Variants in ROBO1 observed in about 807,000 individuals in gnomAD.
ROBO1 encodes roundabout homolog 1.
Under a neutral mutation model 195.9 loss-of-function variants are expected in ROBO1, and 149 were observed. The ratio of observed to expected loss-of-function variants is 0.76; its 90% CI spans 0.67 to 0.87. ROBO1 has a LOEUF of 0.87. Ranked by LOEUF, ROBO1 falls within the 40% of genes least tolerant of loss-of-function variation. The pLI is 0.00. For synonymous variants in ROBO1, 816 were observed against 733.2 expected (o/e 1.11, Z -1.82); for missense variants, 1,933 against 2,068.3 (o/e 0.93, Z 1.27).
intron 2 of ROBO1, among the ~76,000 whole-genome samples, chr3:79,478,860 G>A (rs1938681086): frequency 6.6e-6 from 1 of 152,130 alleles, no homozygotes; most frequent in South Asian, 2.1e-4. Context: ...TTTTTTAACT[G>A]CTAGGTATGC....
chr3:79,666,592 G>A (rs979811888), intron 1 of ROBO1, among the ~76,000 whole-genome samples: 10 of 151,898 alleles, frequency 6.6e-5, no homozygotes, highest in African/African-American at 2.4e-4. Flanking sequence ...AGATCTGATG[G>A]TTTTATAAGG....
At chr3:78,759,225 T>G (rs770951528) in intron 4 of ROBO1, 1 of 152,574 alleles carries the variant, frequency 6.6e-6, no homozygotes, top group African/African-American at 2.4e-5. Flanking sequence ...GATGACAACA[T>G]GATACTAGGG....
chr3:79,436,908 A>AT (rs1198017142), intron 2 of ROBO1, among the ~76,000 whole-genome samples: 4 of 151,932 alleles, frequency 2.6e-5, no homozygotes, highest in Non-Finnish European at 4.4e-5. Flanking sequence ...TAGAGTGATT[A>AT]TTTTTTCTCT....
intron 21 of ROBO1, among the ~76,000 whole-genome samples, chr3:78,640,751 C>G (rs1705893975): frequency 6.6e-6 from 1 of 152,028 alleles, no homozygotes; most frequent in East Asian, 1.9e-4. Flanking sequence ...CCAGCACCGA[C>G]TTCATACTTA....
chr3:79,752,732 ATAGG>A (rs1300942814), intron 1 of ROBO1, among the ~76,000 whole-genome samples: 1 of 152,166 alleles, frequency 6.6e-6, no homozygotes, highest in Non-Finnish European at 1.5e-5. Flanking sequence ...ATTATGGAAA[ATAGG>A]TAGGGAGTCC....
chr3:78,688,580 T>G (rs2081101160), intron 9 of ROBO1, 68 bp downstream of exon 9: 40 of 1,454,658 alleles, frequency 2.7e-5, no homozygotes, highest in Non-Finnish European at 3.6e-5. Flanking sequence ...TATGTTGGTT[T>G]TTCTTCTCAT....
intron 1 of ROBO1, among the ~76,000 whole-genome samples, chr3:79,725,810 T>C (rs1402945599): frequency 6.6e-6 from 1 of 152,096 alleles, no homozygotes; most frequent in African/African-American, 2.4e-5. Flanking sequence ...TGATACTGAA[T>C]ATATGCAGTG....
intron 2 of ROBO1, among the ~76,000 whole-genome samples, chr3:79,408,702 T>C (rs768651435): frequency 1.3e-5 from 2 of 152,118 alleles, no homozygotes; most frequent in Non-Finnish European, 2.9e-5. Flanking sequence ...ATGCCACCAT[T>C]TTTTGAAACT....
At chr3:79,187,204 T>C (rs941036083) in intron 2 of ROBO1, among the ~76,000 whole-genome samples, 1 of 151,994 alleles carries the variant, frequency 6.6e-6, no homozygotes, top group East Asian at 1.9e-4. Flanking sequence ...AGGTAATATA[T>C]GGAAAAACTT....
intron 2 of ROBO1, among the ~76,000 whole-genome samples, chr3:79,151,036 C>T (rs988626211): frequency 6.6e-6 from 1 of 151,722 alleles, no homozygotes; most frequent in Non-Finnish European, 1.5e-5. Context: ...GTACTGTTCA[C>T]GTGGTAATGA....
chr3:78,673,536 T>C (rs1708193850), intron 10 of ROBO1, among the ~76,000 whole-genome samples: 1 of 134,088 alleles, frequency 7.5e-6, no homozygotes, highest in Admixed American at 8.2e-5. Context: ...TAAATATATA[T>C]ATATTACAGC....
chr3:78,982,337 C>G (rs1408959988), intron 3 of ROBO1, among the ~76,000 whole-genome samples: 2 of 152,140 alleles, frequency 1.3e-5, no homozygotes, highest in South Asian at 2.1e-4. Context: ...CCTTTGTAAG[C>G]CTTTTCTCCT....
chr3:79,685,065 T>C (rs1413314589), intron 1 of ROBO1, among the ~76,000 whole-genome samples: 1 of 152,166 alleles, frequency 6.6e-6, no homozygotes, highest in Non-Finnish European at 1.5e-5. Flanking sequence ...TTTGTGGTAG[T>C]TTCCGTTTAT....
intron 4 of ROBO1, among the ~76,000 whole-genome samples, chr3:78,891,864 T>C (rs1423112655): frequency 6.6e-6 from 1 of 152,174 alleles, no homozygotes; most frequent in African/African-American, 2.4e-5. Flanking sequence ...ATCACATTCA[T>C]ATGAAGCTAA....
At chr3:79,152,560 A>T (rs1412851741) in intron 2 of ROBO1, among the ~76,000 whole-genome samples, 1 of 151,878 alleles carries the variant, frequency 6.6e-6, no homozygotes, top group East Asian at 1.9e-4. Flanking sequence ...CATGTTTATT[A>T]TATGCATATT....
chr3:79,138,280 TAC>T (rs1424347788), intron 2 of ROBO1, among the ~76,000 whole-genome samples: 1 of 151,968 alleles, frequency 6.6e-6, no homozygotes, highest in African/African-American at 2.4e-5. Flanking sequence ...AAGAACAGAG[TAC>T]ACAATCAATA....
intron 1 of ROBO1, among the ~76,000 whole-genome samples, chr3:79,631,984 G>T (rs1465278656): frequency 6.6e-6 from 1 of 151,952 alleles, no homozygotes; most frequent in Admixed American, 6.6e-5. Flanking sequence ...AACAGATATT[G>T]GTGAGATCAC....
chr3:79,059,553 C>T (rs1422969783), intron 3 of ROBO1, among the ~76,000 whole-genome samples: 1 of 152,130 alleles, frequency 6.6e-6, no homozygotes, highest in East Asian at 2.0e-4. Flanking sequence ...GAGGGACCGG[C>T]TGAAGCCATG....
At chr3:79,479,817 A>G (rs1053247267) in intron 2 of ROBO1, among the ~76,000 whole-genome samples, 2 of 152,182 alleles carry the variant, frequency 1.3e-5, no homozygotes, top group Non-Finnish European at 2.9e-5. Context: ...TTTCATCAAC[A>G]ATATTTTAGA....
Sources: gnomAD v4.1 joint callset for allele counts (sites outside exome capture counted in the v4.1 genomes callset) on GRCh38, gnomAD v4.1.1 for gene constraint, MANE v1.5 for transcripts, NCBI Gene and HGNC (gene_info 2026-07-23, HGNC 2026-07-21) for gene names.